Variants in RTL9 observed in about 807,000 individuals in gnomAD.
RTL9 encodes retrotransposon Gag like 9, also known as retrotransposon Gag-like protein 9.
A neutral mutation model predicts 44.7 loss-of-function variants in RTL9; 19 were observed. That is an observed-to-expected ratio of 0.42 (90% confidence interval 0.30 to 0.62). The LOEUF (loss-of-function observed/expected upper bound fraction) is 0.62, where lower values mean the gene tolerates loss of function less well. Ranked by LOEUF, RTL9 falls within the 20% of genes least tolerant of loss-of-function variation. RTL9 has a pLI of 0.16. For missense variants in RTL9, 1,105 were observed against 1,080.6 expected, an observed-to-expected ratio of 1.02 and a Z score of -0.32; for synonymous variants, 407 against 398.9, an observed-to-expected ratio of 1.02 and a Z score of -0.24.
intron 1 of RTL9, among the ~76,000 whole-genome samples, chrX:110,427,649 T>A (rs144510544): frequency 0.016 from 1,814 of 111,944 alleles, 24 homozygotes; most frequent in African/African-American, 0.056. Flanking sequence ...TTTTTAAAGT[T>A]CCCCAGGTGC....
chrX:110,424,387 A>G (rs183321586), intron 1 of RTL9, among the ~76,000 whole-genome samples: 1 of 111,730 alleles, frequency 9.0e-6, no homozygotes, highest in East Asian at 2.8e-4. Flanking sequence ...GCATTTTTCC[A>G]GCACTCCTAG....
intron 1 of RTL9, among the ~76,000 whole-genome samples, chrX:110,426,361 C>T (rs761529466): frequency 9.8e-5 from 11 of 111,974 alleles, no homozygotes; most frequent in East Asian, 8.4e-4. Context: ...TTATCCCATC[C>T]ATCATTCCTG....
At chrX:110,435,168 G>A (rs2068829274) in intron 1 of RTL9, among the ~76,000 whole-genome samples, 1 of 105,793 alleles carries the variant, frequency 9.5e-6, no homozygotes, top group African/African-American at 3.5e-5. Context: ...AGGAAAGGGA[G>A]GAAGGAGGGA....
intron 1 of RTL9, among the ~76,000 whole-genome samples, chrX:110,400,104 T>C (rs1355274388): frequency 9.1e-6 from 1 of 109,732 alleles, no homozygotes; most frequent in African/African-American, 3.3e-5. Flanking sequence ...CTCCCTGACA[T>C]TCTACTGAAT....
At chrX:110,453,124 A>G (rs755212087) in exon 1 of RTL9, 1 of 1,210,034 alleles carries the variant, frequency 8.3e-7, no homozygotes, top group South Asian at 1.8e-5. Context: ...TCCATGCCAC[A>G]AGTGAAGGCT....
At chrX:110,426,441 G>A (rs2068754956) in intron 1 of RTL9, among the ~76,000 whole-genome samples, 1 of 111,612 alleles carries the variant, frequency 9.0e-6, no homozygotes, top group South Asian at 3.8e-4. Flanking sequence ...GACCAGTGAC[G>A]CACTGGAAAA....
chrX:110,434,037 GT>G (rs2068818144), intron 1 of RTL9, among the ~76,000 whole-genome samples: 1 of 111,630 alleles, frequency 9.0e-6, no homozygotes, highest in African/African-American at 3.3e-5. Context: ...AGTTGAGGAA[GT>G]CTCCACGAAT....
intron 1 of RTL9, among the ~76,000 whole-genome samples, chrX:110,434,789 G>T (rs1307428733): frequency 9.0e-6 from 1 of 110,771 alleles, no homozygotes; most frequent in Non-Finnish European, 1.9e-5. Context: ...ACAGTCAAGG[G>T]ATATTAGTTG....
chrX:110,386,391 A>G (rs2068455424), intron 1 of RTL9, among the ~76,000 whole-genome samples: 1 of 109,382 alleles, frequency 9.1e-6, no homozygotes, highest in African/African-American at 3.3e-5. Context: ...TACTGTGTGT[A>G]AAGTAGTATC....
At chrX:110,437,749 G>GT (rs2068849723) in intron 1 of RTL9, among the ~76,000 whole-genome samples, 1 of 111,446 alleles carries the variant, frequency 9.0e-6, no homozygotes, top group African/African-American at 3.3e-5. Flanking sequence ...TCTTAGTGTG[G>GT]TCCCCTCCTT....
chrX:110,394,479 T>C (rs1477946108), intron 1 of RTL9, among the ~76,000 whole-genome samples: 1 of 112,533 alleles, frequency 8.9e-6, no homozygotes, highest in Non-Finnish European at 1.9e-5. Flanking sequence ...TATTTGGATC[T>C]TTATTTAGAA....
chrX:110,402,436 G>A (rs899297199), intron 1 of RTL9, among the ~76,000 whole-genome samples: 3 of 113,004 alleles, frequency 2.7e-5, no homozygotes, highest in African/African-American at 6.4e-5. Context: ...TTTCCTGTCA[G>A]GGAGAGGAGA....
upstream of RTL9, among the ~76,000 whole-genome samples, chrX:110,446,414 C>G (rs1569432148): frequency 9.2e-6 from 1 of 109,257 alleles, no homozygotes; most frequent in Admixed American, 9.7e-5. Flanking sequence ...TTGCTTGGGT[C>G]GGGGGGTGGA....
At chrX:110,437,647 A>G (rs1460380606) in intron 1 of RTL9, among the ~76,000 whole-genome samples, 3 of 111,083 alleles carry the variant, frequency 2.7e-5, no homozygotes, top group Non-Finnish European at 5.6e-5. Flanking sequence ...AATGAAGTGA[A>G]TCACTGTATC....
chrX:110,429,437 G>C, intron 1 of RTL9, among the ~76,000 whole-genome samples: 1 of 108,820 alleles, frequency 9.2e-6, no homozygotes, highest in East Asian at 2.8e-4. Context: ...TCTATAAAAC[G>C]ATGATACTTA....
chrX:110,394,978 C>G (rs992962259), intron 1 of RTL9, among the ~76,000 whole-genome samples: 3 of 112,789 alleles, frequency 2.7e-5, no homozygotes, highest in African/African-American at 9.7e-5. Context: ...GAGCTAGCAG[C>G]TGGAGCTTTG....
At chrX:110,369,770 T>G (rs2148260294) in intron 1 of RTL9, among the ~76,000 whole-genome samples, 1 of 112,206 alleles carries the variant, frequency 8.9e-6, no homozygotes, top group African/African-American at 3.2e-5. Flanking sequence ...TACACACTAT[T>G]TTTTATATTT....
chrX:110,417,417 A>C (rs936337656), upstream of RTL9, among the ~76,000 whole-genome samples: 3 of 112,528 alleles, frequency 2.7e-5, no homozygotes, highest in Admixed American at 9.3e-5. Context: ...AAGATAAGTA[A>C]AATATTGTCT....
chrX:110,449,380 T>A (rs1227514481), upstream of RTL9, among the ~76,000 whole-genome samples: 1 of 112,811 alleles, frequency 8.9e-6, no homozygotes, highest in East Asian at 2.8e-4. Flanking sequence ...GCAGGTTTTC[T>A]CATTATTATG....
Sources: allele counts gnomAD v4.1 joint callset (sites outside exome capture counted in the v4.1 genomes callset), GRCh38; gene constraint gnomAD v4.1.1; transcripts MANE v1.5; gene names NCBI Gene and HGNC (gene_info 2026-07-23, HGNC 2026-07-21).